N4BP2: variants seen among roughly 807,000 people sequenced by gnomAD.
N4BP2 encodes NEDD4-binding protein 2.
A neutral mutation model predicts 152.8 loss-of-function variants in N4BP2; 91 were observed. The observed-to-expected ratio is 0.60, with a 90% CI of 0.50 to 0.71. The LOEUF (loss-of-function observed/expected upper bound fraction) is 0.71. Among genes scored for constraint, N4BP2 ranks in the 30% least tolerant of loss-of-function variants. The pLI is 0.00. For synonymous variants in N4BP2, 646 were observed against 705.3 expected, an observed-to-expected ratio of 0.92 and a Z score of 1.33; for missense variants, 1,923 against 2,059.1, an observed-to-expected ratio of 0.93 and a Z score of 1.28.
the N4BP2 span, among the ~76,000 whole-genome samples, chr4:40,189,743 G>T: frequency 6.6e-6 from 1 of 152,166 alleles, no homozygotes; most frequent in Admixed American, 6.5e-5. The surrounding 1 kb of genome is among the most constrained non-coding windows in gnomAD (Gnocchi z 4.3). Flanking sequence ...ACAAAAATTA[G>T]CTGGGCATGG....
chr4:40,116,401 G>T (rs534392630), intron 7 of N4BP2, among the ~76,000 whole-genome samples: 16 of 151,984 alleles, frequency 1.1e-4, no homozygotes, highest in Non-Finnish European at 2.1e-4. Flanking sequence ...AAATGATGTA[G>T]TTGGATTTTT....
At chr4:40,130,146 C>T (rs1193331558) in intron 12 of N4BP2, among the ~76,000 whole-genome samples, 3 of 151,722 alleles carry the variant, frequency 2.0e-5, no homozygotes, top group South Asian at 4.2e-4. Flanking sequence ...TCACCTCAGC[C>T]CCTCAAGTAG....
the N4BP2 span, among the ~76,000 whole-genome samples, chr4:40,172,965 T>A: frequency 6.6e-6 from 1 of 152,162 alleles, no homozygotes; most frequent in Non-Finnish European, 1.5e-5. Context: ...CCACCCAGTA[T>A]TCCCTGTAAG....
chr4:40,178,432 A>G, the N4BP2 span, among the ~76,000 whole-genome samples: 1 of 152,184 alleles, frequency 6.6e-6, no homozygotes, highest in Non-Finnish European at 1.5e-5. Context: ...AAAACAAAAA[A>G]AAAAAGAAAA....
chr4:40,084,614 G>GTATA (rs374731036), intron 2 of N4BP2, among the ~76,000 whole-genome samples: 14 of 136,904 alleles, frequency 1.0e-4, no homozygotes, highest in African/African-American at 2.4e-4. Context: ...TTTTGTGTGT[G>GTATA]TATATATATA....
chr4:40,128,779 A>G (rs145102170), intron 12 of N4BP2, among the ~76,000 whole-genome samples: 452 of 152,060 alleles, frequency 3.0e-3, no homozygotes, highest in Middle Eastern at 6.8e-3. Context: ...TCGGCTTCCC[A>G]AAGTGTTGGG....
Position 40,120,336 on chromosome 4 carries a change from G to A in N4BP2, c.2225G>A (p.Ser742Asn). ...NNQEDCDLAN[S>N]GPLQNEKSSP... ...CAAGAAGACTGTGATCTTGCAAATA[G>A]TGGACCACTTCAAAATGAAAAATCC... Residue 742 changes from serine (S) to asparagine (N), a missense_variant, in exon 9 of 18, where the codon AGT (serine) becomes AAT (asparagine). Coordinates refer to ENST00000261435, the MANE Select transcript of N4BP2 (RefSeq NM_018177.6). 6.2e-7 allele frequency: 1 copy of A among 1,612,952 alleles called. No homozygotes were observed. The highest frequency in any genetic ancestry group is 1.1e-5 in the South Asian group (1 of 90,984).
At chr4:40,176,911 C>T in the N4BP2 span, among the ~76,000 whole-genome samples, 1 of 152,186 alleles carries the variant, frequency 6.6e-6, no homozygotes, top group African/African-American at 2.4e-5. Context: ...TTCGGGGGAT[C>T]CCTGTTTTCC....
intron 13 of N4BP2, among the ~76,000 whole-genome samples, chr4:40,136,198 A>G (rs1719363170): frequency 1.3e-5 from 2 of 152,160 alleles, no homozygotes; most frequent in African/African-American, 4.8e-5. Context: ...CACAATAAAA[A>G]TGTCAGCTTA....
intron 1 of N4BP2, among the ~76,000 whole-genome samples, chr4:40,061,300 G>T (rs754509140): frequency 5.3e-5 from 8 of 151,986 alleles, no homozygotes; most frequent in Non-Finnish European, 1.0e-4. Context: ...CTCCCGAGTA[G>T]CTGGGATTAC....
chr4:40,107,038 A>G lies in N4BP2; in HGVS notation c.1498+14A>G. 6.2e-7 allele frequency: 1 copy of G among 1,610,024 alleles called. No individual in the cohort carries two copies. Among genetic ancestry groups the G allele is most frequent in the Non-Finnish European group, 8.5e-7 (1 of 1,178,478 alleles). The stretch of plus-strand genomic sequence containing the variant: ...ACCAGAATCGTGGTAAGAACAGATA[A>G]TCAGATTCTGGGTAACGTTATGAGT... On this transcript the variant is annotated intron_variant, in intron 5 of 17. Transcript: ENST00000261435.
intron 14 of N4BP2, among the ~76,000 whole-genome samples, chr4:40,141,355 T>TCCTCA (rs1406787105): frequency 3.4e-5 from 5 of 149,018 alleles, no homozygotes; most frequent in Non-Finnish European, 7.4e-5. Flanking sequence ...GCGGAGGGTC[T>TCCTCA]CCTCACTTCT....
At chr4:40,057,144 G>A (rs1733241513) in intron 1 of N4BP2, 114 bp downstream of exon 1, 1 of 152,740 alleles carries the variant, frequency 6.5e-6, no homozygotes, top group African/African-American at 2.4e-5. Flanking sequence ...CGGGCGGCGC[G>A]GCGAATGAAC....
chr4:40,125,969 C>T (rs576097860), intron 11 of N4BP2, among the ~76,000 whole-genome samples, 165 bp from the exon 12 acceptor site: 6 of 151,658 alleles, frequency 4.0e-5, no homozygotes, highest in South Asian at 2.1e-4. Flanking sequence ...TTCTTACTTG[C>T]GATGACGTGA....
chr4:40,136,200 G>A (rs1719363679), intron 13 of N4BP2, among the ~76,000 whole-genome samples: 1 of 151,962 alleles, frequency 6.6e-6, no homozygotes, highest in East Asian at 1.9e-4. Context: ...CAATAAAAAT[G>A]TCAGCTTAAA....
At chr4:40,077,141 A>ATGTGTG (rs200840604) in intron 2 of N4BP2, among the ~76,000 whole-genome samples, 1 of 149,980 alleles carries the variant, frequency 6.7e-6, no homozygotes, top group African/African-American at 2.4e-5. Flanking sequence ...TGTAGAATAT[A>ATGTGTG]TATGTGTGTG....
Position 40,102,483 on chromosome 4 carries a change from A to T in N4BP2, c.638A>T (p.Asn213Ile). ...AATTCTGGTTCTACTTTAAGTTTAA[A>T]CCCATTACCTTCACATTCAGTTTTG... ...LENSGSTLSLNPLPSHSVLNE... is the reference protein window; with the variant it reads ...LENSGSTLSLIPLPSHSVLNE... Residue 213 changes from asparagine to isoleucine, a missense_variant, in exon 4 of 18, where the codon AAC (asparagine) becomes ATC (isoleucine). Asn to Ile is a moderately radical substitution (Grantham distance 149). Transcript: ENST00000261435. 1 of 1,614,132 alleles carries T rather than the reference A, an allele frequency of 6.2e-7. No individual in the cohort carries two copies. The highest frequency in any genetic ancestry group is 8.5e-7 in the Non-Finnish European group (1 of 1,180,034).
At position 40,117,927 on chromosome 4, in the gene N4BP2, C is replaced by T. The variant is rs1128374; in HGVS notation, c.1723C>T (p.Arg575Cys). 11 of 1,612,396 alleles carry T rather than the reference C, an allele frequency of 6.8e-6. No homozygotes were observed. The highest frequency in any genetic ancestry group is 2.7e-5 in the African/African-American group (2 of 74,804). ...KITRMLEHYQ[R>C]FVSVPIIMSS... ...AACAAGAATGTTGGAACATTATCAA[C>T]GTTTTGTTTCAGTGCCAATAATTAT... Residue 575 changes from arginine (R) to cysteine (C), a missense_variant, in exon 8 of 18, where the codon CGT (arginine) becomes TGT (cysteine). By Grantham distance (180) the Arg-to-Cys change is radical. Coordinates refer to ENST00000261435, the MANE Select transcript of N4BP2 (RefSeq NM_018177.6).
chr4:40,108,820 GTT>G (rs762951724), intron 5 of N4BP2, among the ~76,000 whole-genome samples: 6 of 141,794 alleles, frequency 4.2e-5, no homozygotes, highest in Non-Finnish European at 4.7e-5. Context: ...ATTTTCCTCA[GTT>G]TTTTTTTTTT....
Sources: allele counts gnomAD v4.1 joint callset (sites outside exome capture counted in the v4.1 genomes callset), GRCh38; gene constraint gnomAD v4.1.1; non-coding constraint Gnocchi (gnomAD v3.1); transcripts MANE v1.5; gene names NCBI Gene and HGNC (gene_info 2026-07-23, HGNC 2026-07-21).